Variants in TBCCD1 observed in about 807,000 individuals in gnomAD.
The protein encoded by TBCCD1 is TBCC domain containing 1.
A neutral mutation model predicts 53.4 loss-of-function variants in TBCCD1; 26 were observed. The ratio of observed to expected loss-of-function variants is 0.49; its 90% CI spans 0.36 to 0.68. The LOEUF is 0.68. Ranked by LOEUF, TBCCD1 falls within the 30% of genes least tolerant of loss-of-function variation. The pLI is 0.00. For missense variants in TBCCD1, 558 were observed against 669.5 expected (o/e 0.83, Z 1.84); for synonymous variants, 245 against 241.7 (o/e 1.01, Z -0.13).
At chr3:186,567,362 G>C (rs1031735371), upstream of TBCCD1, 4 of 152,220 alleles carry the variant, frequency 2.6e-5, no homozygotes, top group Admixed American at 1.3e-4. Context: ...TCCGCGCGCC[G>C]CTGCCGTGCC....
At chr3:186,558,600 T>C (rs370804740) in intron 2 of TBCCD1, 28 bp from the exon 3 acceptor site, 206 of 1,607,076 alleles carry the variant, frequency 1.3e-4, no homozygotes, top group Non-Finnish European at 1.4e-4. Context: ...AAAAGATGAA[T>C]AGACGTTTTA....
chr3:186,548,241 T>C (rs915563266), intron 7 of TBCCD1, among the ~76,000 whole-genome samples: 1 of 152,214 alleles, frequency 6.6e-6, no homozygotes, highest in Non-Finnish European at 1.5e-5. Flanking sequence ...TTGAAAACAC[T>C]ACACTAACTG....
intron 7 of TBCCD1, among the ~76,000 whole-genome samples, chr3:186,548,567 T>A (rs1714278130): frequency 6.6e-6 from 1 of 152,198 alleles, no homozygotes; most frequent in Non-Finnish European, 1.5e-5. Flanking sequence ...TTTTAAGAAG[T>A]TTTCTCCCAC....
At position 186,546,275 on chromosome 3, in the gene TBCCD1, ACT is replaced by A. The variant is rs1186010456; in HGVS notation, c.*700_*701del. 2 of 152,182 alleles carry A rather than the reference ACT, an allele frequency of 1.3e-5. No homozygotes were observed. The highest frequency in any genetic ancestry group is 4.8e-5 in the African/African-American group (2 of 41,440). The allele number at this position is 152,182 out of a possible 1,614,324, so 9.4% of individuals were successfully genotyped here. The stretch of plus-strand genomic sequence containing the variant: ...TTAAATAGTTACAAAGAACTATAAA[ACT>A]CTTATTTAACTCTAGAAAGAATAAA... On this transcript the variant is annotated 3_prime_UTR_variant, in exon 8 of 8. Transcript: ENST00000338733.
intron 1 of TBCCD1, among the ~76,000 whole-genome samples, chr3:186,564,992 A>G (rs911926411): frequency 1.3e-5 from 2 of 152,190 alleles, no homozygotes; most frequent in African/African-American, 4.8e-5. Flanking sequence ...TTTTTGTTGT[A>G]ACAATGATAC....
chr3:186,556,635 C>A lies in TBCCD1; in HGVS notation c.633G>T (p.Ala211=), dbSNP rs372918346. The change falls in exon 4 of 8, where the codon GCG becomes GCT. Residue 211 remains alanine, a synonymous_variant. Transcript: ENST00000338733. ...TTGTACCTTCAATAAGGAAGCTGAG[C>A]GCCACAACAGCTTCTCGAGACACTA... ...SSLVSREAVV[A]LSFLIEGTIS... 1 of 1,614,046 alleles carries A rather than the reference C, an allele frequency of 6.2e-7. No homozygotes were observed. The highest frequency in any genetic ancestry group is 8.5e-7 in the Non-Finnish European group (1 of 1,180,010).
At chr3:186,556,876 C>A in intron 3 of TBCCD1, 101 bp from the exon 4 acceptor site, 1 of 1,386,988 alleles carries the variant, frequency 7.2e-7, no homozygotes, top group Non-Finnish European at 9.7e-7. Flanking sequence ...GCCTCATCCC[C>A]CAAAAGGAAT....
chr3:186,556,311 G>C (rs182283449), intron 4 of TBCCD1, 98 bp downstream of exon 4: 1 of 1,387,942 alleles, frequency 7.2e-7, no homozygotes. Flanking sequence ...TATTTTTTAG[G>C]TCTTCTAGAG....
In TBCCD1 at chr3:186,554,844, T is replaced by C. The variant is rs1015771292; in HGVS notation, c.1046+54A>G. On this transcript the variant is annotated intron_variant, in intron 5 of 7. Transcript: ENST00000338733. ...TATCTGATGGCAAAAAAAGAATCAG[T>C]CACAGTCCAAAGAAAATGTCAGAAC... The C allele has an allele frequency of 3.7e-6, 6 of 1,604,154 alleles. No homozygotes were observed. In the South Asian group the frequency reaches 6.8e-5, roughly 18 times the overall value.
chr3:186,569,138 C>CA (rs921551072), upstream of TBCCD1, among the ~76,000 whole-genome samples: 6 of 150,792 alleles, frequency 4.0e-5, no homozygotes, highest in Admixed American at 6.6e-5. Context: ...TCGGTGTATA[C>CA]AAAAAAAAGA....
intron 4 of TBCCD1, among the ~76,000 whole-genome samples, chr3:186,555,612 G>A (rs754971231): frequency 2.0e-5 from 3 of 152,154 alleles, no homozygotes; most frequent in Non-Finnish European, 4.4e-5. Context: ...AGGCTGGAGT[G>A]CAGTGGTGCA....
At chr3:186,547,688 G>A (rs1344343624) in intron 7 of TBCCD1, among the ~76,000 whole-genome samples, 1 of 149,610 alleles carries the variant, frequency 6.7e-6, no homozygotes, top group African/African-American at 2.5e-5. Flanking sequence ...CTCACTGCAA[G>A]CTTCGCCTCC....
chr3:186,562,463 T>C (rs1210818567), intron 2 of TBCCD1, among the ~76,000 whole-genome samples: 1 of 152,154 alleles, frequency 6.6e-6, no homozygotes, highest in East Asian at 1.9e-4. Flanking sequence ...ATCTCACTTA[T>C]ATGTGGAATC....
intron 1 of TBCCD1, among the ~76,000 whole-genome samples, chr3:186,566,396 C>A (rs1303533239): frequency 5.9e-5 from 9 of 152,150 alleles, no homozygotes. Context: ...TGACATCAAT[C>A]GAGTGCTTAC....
rs534215929 is a variant in TBCCD1, at chr3:186,547,633, G to A, written c.*22-678C>T. Among the ~76,000 whole-genome samples, 26 of 144,668 alleles carry A rather than the reference G, an allele frequency of 1.8e-4. No homozygotes were observed. The South Asian group carries it at 5.0e-3, about 28-fold the overall frequency. 94.9% of individuals were successfully genotyped at this position (144,668 alleles called of 152,430 possible). A position where few individuals can be genotyped will look rare whatever the true frequency, so the allele number is the denominator to read the frequency against. On this transcript the variant is annotated intron_variant, in intron 7 of 7. Coordinates refer to ENST00000338733, the MANE Select transcript of TBCCD1 (RefSeq NM_018138.5). ...TTTTTTTTTTTTTTTTTAAGACGGA[G>A]TCTCGCTCTGTCGCCCAGGCTGGAG...
At chr3:186,551,102 T>C in intron 7 of TBCCD1, 27 bp downstream of exon 7, 1 of 1,573,502 alleles carries the variant, frequency 6.4e-7, no homozygotes. Context: ...CCCAAAAGAA[T>C]CTGTTTTAAG....
chr3:186,548,027 C>T (rs1325504353), intron 7 of TBCCD1, among the ~76,000 whole-genome samples: 11 of 152,114 alleles, frequency 7.2e-5, no homozygotes, highest in Admixed American at 6.5e-4. Context: ...AGGTATATAT[C>T]CATGAGAAAT....
chr3:186,568,882 G>A (rs371944809), upstream of TBCCD1, among the ~76,000 whole-genome samples: 18 of 149,756 alleles, frequency 1.2e-4, no homozygotes, highest in East Asian at 3.3e-3. Flanking sequence ...CAGCCTGGGC[G>A]ACAGAGCGAG....
intron 7 of TBCCD1, among the ~76,000 whole-genome samples, chr3:186,548,881 T>C: frequency 6.6e-6 from 1 of 152,134 alleles, no homozygotes; most frequent in Middle Eastern, 3.2e-3. Context: ...AAATGACAAC[T>C]ATGTGAGGTT....
Sources: allele counts gnomAD v4.1 joint callset (sites outside exome capture counted in the v4.1 genomes callset), GRCh38; gene constraint gnomAD v4.1.1; transcripts MANE v1.5; gene names NCBI Gene and HGNC (gene_info 2026-07-23, HGNC 2026-07-21).